PAPPA2: variants seen among roughly 807,000 people sequenced by gnomAD.
PAPPA2 encodes the protein pappalysin 2, also known as pappalysin-2.
PAPPA2 carries 86 observed loss-of-function variants against 176.4 expected under a neutral mutation model. That is an observed-to-expected ratio of 0.49 (90% CI 0.41 to 0.58). The LOEUF is 0.58. PAPPA2 is among the 20% of genes least tolerant of loss of function. The probability of loss-of-function intolerance (pLI) is 0.00; values close to 1 mark genes in which losing one functional copy is unlikely to be tolerated. For missense variants in PAPPA2, 2,073 were observed against 2,256.9 expected, an observed-to-expected ratio of 0.92 and a Z score of 1.65; for synonymous variants, 809 against 852.2, an observed-to-expected ratio of 0.95 and a Z score of 0.88.
At chr1:176,702,563 T>C in intron 8 of PAPPA2, 44 bp from the exon 9 acceptor site, 1 of 1,606,362 alleles carries the variant, frequency 6.2e-7, no homozygotes, top group Non-Finnish European at 8.5e-7. Context: ...AGGGCATGCC[T>C]CACTTTGTGG....
At chr1:176,545,415 AAAATAAATAAAT>A (rs55993766) in intron 1 of PAPPA2, among the ~76,000 whole-genome samples, 8,086 of 146,308 alleles carry the variant, frequency 0.055, 242 homozygotes, top group Non-Finnish European at 0.065. Flanking sequence ...AACCTCAGAA[AAAATAAATAAAT>A]AAATAAATAA....
chr1:176,711,762 T>C, intron 11 of PAPPA2, 73 bp from the exon 12 acceptor site: 2 of 1,492,140 alleles, frequency 1.3e-6, no homozygotes, highest in East Asian at 4.6e-5. Context: ...TGCTTTGAGC[T>C]GGAGAGTTTC....
intron 6 of PAPPA2, among the ~76,000 whole-genome samples, chr1:176,692,520 C>A (rs1004952645): frequency 1.3e-5 from 2 of 152,234 alleles, no homozygotes; most frequent in African/African-American, 4.8e-5. Flanking sequence ...AGTGGCTCAT[C>A]TTAAGTGCTC....
At chr1:176,463,701 G>T (rs187414190) in intron 1 of PAPPA2, among the ~76,000 whole-genome samples, 1 of 152,170 alleles carries the variant, frequency 6.6e-6, no homozygotes, top group Non-Finnish European at 1.5e-5. Context: ...ACCTTTGGCT[G>T]CCTGGTCTTC....
In PAPPA2 at chr1:176,715,397, G is replaced by A. The variant is rs539677875; in HGVS notation, c.3798+3416G>A. 4.6e-5 allele frequency among the ~76,000 whole-genome samples: 7 copies of A among 152,254 alleles called. No individual in the cohort carries two copies. In the South Asian group the frequency reaches 1.2e-3, roughly 27 times the overall value. On this transcript the variant is annotated intron_variant, in intron 12 of 22. Coordinates refer to ENST00000367662, the MANE Select transcript of PAPPA2 (RefSeq NM_020318.3). ...GCACAGCCCCCTTCTAAAGAACAAG[G>A]AGAGTTTGACCACCCCCACTGGAGC...
chr1:176,666,610 A>T lies in PAPPA2; in HGVS notation c.1992-4360A>T, dbSNP rs866222601. Among the ~76,000 whole-genome samples the T allele has an allele frequency of 3.3e-3, 429 of 131,192 alleles. 2 individuals carry two copies. Among genetic ancestry groups the T allele is most frequent in the African/African-American group, 9.5e-3 (351 of 36,984 alleles). The allele number at this position is 131,192 out of a possible 152,430, so 86.1% of individuals were successfully genotyped here. Reference sequence around the variant, plus strand: ...GTGTGTGTGTGTGTGTGTGTGTGTGAGAGAGAGAGAGAGAGAGAAAGAGAG... The same window carrying T: ...GTGTGTGTGTGTGTGTGTGTGTGTGTGAGAGAGAGAGAGAGAGAAAGAGAG... On this transcript the variant is annotated intron_variant, in intron 3 of 22. Transcript: ENST00000367662.
intron 1 of PAPPA2, among the ~76,000 whole-genome samples, chr1:176,497,810 C>T (rs555943247): frequency 1.3e-5 from 2 of 152,282 alleles, no homozygotes; most frequent in African/African-American, 4.8e-5. Context: ...CATGCATGTA[C>T]TATCATTTTT....
chr1:176,630,786 T>A (rs911368644), intron 3 of PAPPA2, among the ~76,000 whole-genome samples: 27 of 152,106 alleles, frequency 1.8e-4, no homozygotes, highest in Admixed American at 2.0e-4. Flanking sequence ...TCATAAAGAA[T>A]TGATGAGAAG....
chr1:176,710,626 A>G (rs1279191364), intron 11 of PAPPA2, among the ~76,000 whole-genome samples: 1 of 152,140 alleles, frequency 6.6e-6, no homozygotes, highest in African/African-American at 2.4e-5. Context: ...GACATCTATG[A>G]GATATAGTTG....
Position 176,690,204 on chromosome 1 carries a change from G to C in PAPPA2, c.2205G>C (p.Val735=). 1 of 1,614,070 alleles carries C rather than the reference G, an allele frequency of 6.2e-7. No homozygotes were observed. Among genetic ancestry groups the C allele is most frequent in the Non-Finnish European group, 8.5e-7 (1 of 1,179,976 alleles). ...PGHTDTMIHE[V]GHVLGLYHVF... is the part of the protein sequence containing the mutation. ...ACACCGACACCATGATCCATGAAGTGGGACATGTTCTGGGACTCTACCATG... is the reference window on the plus strand; with the variant it reads ...ACACCGACACCATGATCCATGAAGTCGGACATGTTCTGGGACTCTACCATG... Residue 735 remains valine (V), a synonymous_variant, in exon 5 of 23, where the codon GTG becomes GTC. Transcript: ENST00000367662.
At chr1:176,553,440 GTCACA>G (rs1381866416) in intron 1 of PAPPA2, 1 of 152,052 alleles carries the variant, frequency 6.6e-6, no homozygotes, top group African/African-American at 2.4e-5. Context: ...GGGTTATGAT[GTCACA>G]GCAAAAGTTA....
At chr1:176,771,329 C>T in intron 17 of PAPPA2, 149 bp downstream of exon 17, 1 of 718,984 alleles carries the variant, frequency 1.4e-6, no homozygotes, top group Non-Finnish European at 2.3e-6. Context: ...AATATATTCT[C>T]TCCAATAGAA....
At position 176,778,894 on chromosome 1, in the gene PAPPA2, T is replaced by C. The variant is rs1426342159; in HGVS notation, c.4715+7714T>C. ...CTTGCCATTGTAGGATAATGTGTGC[T>C]TCAGGCTAATTTATTAAAGCCCCTT... On this transcript the variant is annotated intron_variant, in intron 17 of 22. Coordinates refer to ENST00000367662, the MANE Select transcript of PAPPA2 (RefSeq NM_020318.3). 2.0e-5 allele frequency among the ~76,000 whole-genome samples: 3 copies of C among 152,172 alleles called. No homozygotes were observed. In the East Asian group the frequency reaches 5.8e-4, roughly 29 times the overall value.
At chr1:176,777,490 A>G (rs1043958424) in intron 17 of PAPPA2, among the ~76,000 whole-genome samples, 1 of 152,176 alleles carries the variant, frequency 6.6e-6, no homozygotes, top group African/African-American at 2.4e-5. Flanking sequence ...AGAATTAAAC[A>G]CATCCCTAAA....
chr1:176,747,734 C>G (rs1192498237), intron 14 of PAPPA2, among the ~76,000 whole-genome samples: 2 of 152,144 alleles, frequency 1.3e-5, no homozygotes, highest in African/African-American at 4.8e-5. Flanking sequence ...GGTCAGGATT[C>G]TAGGCAACGC....
chr1:176,768,352 C>T (rs1472466511), intron 15 of PAPPA2, among the ~76,000 whole-genome samples: 1 of 152,164 alleles, frequency 6.6e-6, no homozygotes, highest in Non-Finnish European at 1.5e-5. Context: ...GCAGTTCCTC[C>T]TCCAGCTCCT....
chr1:176,507,218 A>G (rs1393400067), intron 1 of PAPPA2, among the ~76,000 whole-genome samples: 1 of 152,176 alleles, frequency 6.6e-6, no homozygotes, highest in Non-Finnish European at 1.5e-5. Flanking sequence ...AGAGAAATAC[A>G]AATCAAAACA....
chr1:176,834,635 C>A (rs1667202659), intron 21 of PAPPA2, among the ~76,000 whole-genome samples: 1 of 152,144 alleles, frequency 6.6e-6, no homozygotes, highest in Non-Finnish European at 1.5e-5. Context: ...GCCAGGCAGC[C>A]TATTTGGGAT....
At chr1:176,557,867 C>T (rs1323569415) in intron 2 of PAPPA2, among the ~76,000 whole-genome samples, 1 of 152,186 alleles carries the variant, frequency 6.6e-6, no homozygotes, top group Non-Finnish European at 1.5e-5. Flanking sequence ...TGAGCACTTA[C>T]AAGCCAAGAT....
Sources: gnomAD v4.1 joint callset for allele counts (sites outside exome capture counted in the v4.1 genomes callset) on GRCh38, gnomAD v4.1.1 for gene constraint, MANE v1.5 for transcripts, NCBI Gene and HGNC (gene_info 2026-07-23, HGNC 2026-07-21) for gene names.